The following FBXO10 variants were observed in gnomAD, a reference collection of about 807,000 sequenced individuals.
The protein encoded by FBXO10 is F-box protein 10.
FBXO10 carries 39 observed loss-of-function variants against 80.7 expected under a neutral mutation model. The observed-to-expected ratio is 0.48, with a 90% confidence interval of 0.37 to 0.63. FBXO10 has a LOEUF of 0.63. Among genes scored for constraint, FBXO10 ranks in the 30% least tolerant of loss-of-function variants. The probability of loss-of-function intolerance (pLI) is 0.00; values close to 1 mark genes in which losing one functional copy is unlikely to be tolerated. For missense variants in FBXO10, 1,025 were observed against 1,269.0 expected, an observed-to-expected ratio of 0.81 and a Z score of 2.92; for synonymous variants, 449 against 489.6, an observed-to-expected ratio of 0.92 and a Z score of 1.09.
chr9:37,574,127 C>G (rs1289712948), intron 1 of FBXO10, among the ~76,000 whole-genome samples: 1 of 152,182 alleles, frequency 6.6e-6, no homozygotes, highest in African/African-American at 2.4e-5. Flanking sequence ...GACTCCCTAT[C>G]TACATCATCA....
chr9:37,530,759 C>T (rs1821599898), intron 4 of FBXO10, among the ~76,000 whole-genome samples: 1 of 152,174 alleles, frequency 6.6e-6, no homozygotes, highest in South Asian at 2.1e-4. Context: ...CCCACCTCCG[C>T]CTCCCAAGTA....
At chr9:37,553,888 C>T (rs1436484219) in intron 1 of FBXO10, among the ~76,000 whole-genome samples, 1 of 142,790 alleles carries the variant, frequency 7.0e-6, no homozygotes, top group Admixed American at 7.1e-5. Context: ...TGCACTCCAG[C>T]CCGGGCAAAA....
intron 1 of FBXO10, among the ~76,000 whole-genome samples, chr9:37,547,700 T>G (rs1301694270): frequency 2.0e-5 from 3 of 152,182 alleles, no homozygotes; most frequent in Non-Finnish European, 4.4e-5. Flanking sequence ...GGCTCACACC[T>G]GTAATGCCAG....
Position 37,541,546 on chromosome 9 carries a change from A to G in FBXO10, c.223T>C (p.Phe75Leu). The G allele has an allele frequency of 6.2e-7, 1 of 1,613,706 alleles. No homozygotes were observed. ...DVEPESWREA[F>L]KQHYLASKTW... ...TTGGATGCAAGGTAATGCTGCTTGA[A>G]GGCTTCTCTCCAAGACTCAGGCTCC... Residue 75 changes from phenylalanine to leucine, a missense_variant, in exon 2 of 11, where the codon TTC becomes CTC. Physicochemically the swap from Phe to Leu is conservative, Grantham distance 22. This residue lies in a region of FBXO10 where 450 missense variants were observed against 499.4 expected (regional missense o/e 0.90). Transcript: ENST00000432825.
chr9:37,570,486 T>C (rs1329904270), intron 1 of FBXO10, among the ~76,000 whole-genome samples: 1 of 151,410 alleles, frequency 6.6e-6, no homozygotes, highest in Non-Finnish European at 1.5e-5. Flanking sequence ...AAGAACAAAA[T>C]AAATCCAAGG....
At chr9:37,522,586 A>G (rs1481998016) in intron 7 of FBXO10, 2 of 1,287,368 alleles carry the variant, frequency 1.6e-6, no homozygotes, top group Non-Finnish European at 2.0e-6. Flanking sequence ...GTCTTTTGCT[A>G]TTTTAAAAGG....
chr9:37,546,924 G>T (rs1822071279), intron 1 of FBXO10, among the ~76,000 whole-genome samples: 1 of 152,062 alleles, frequency 6.6e-6, no homozygotes, highest in Non-Finnish European at 1.5e-5. Flanking sequence ...CAAGTGATCC[G>T]CCTGCCTTGG....
intron 3 of FBXO10, among the ~76,000 whole-genome samples, chr9:37,532,285 A>G (rs1268293759): frequency 2.8e-5 from 4 of 144,950 alleles, no homozygotes; most frequent in Non-Finnish European, 6.0e-5. Flanking sequence ...TAGCGGTCTC[A>G]CATTGGTTCT....
intron 1 of FBXO10, among the ~76,000 whole-genome samples, chr9:37,568,523 T>C (rs1349842741): frequency 6.6e-6 from 1 of 152,194 alleles, no homozygotes; most frequent in Non-Finnish European, 1.5e-5. Context: ...TACTTTGTTT[T>C]CAAGAAACCA....
chr9:37,557,031 T>C lies in FBXO10; in HGVS notation c.-6-15257A>G, dbSNP rs545797107. ...TTGACTCCTTTCTCTATTACAACTA[T>C]TCAGGGCAACAGAAAAGACAAGGAG... On this transcript the variant is annotated intron_variant, in intron 1 of 10. Transcript: ENST00000432825. 2.3e-4 allele frequency among the ~76,000 whole-genome samples: 35 copies of C among 152,318 alleles called. No individual in the cohort carries two copies. The South Asian group carries it at 7.0e-3, about 31-fold the overall frequency.
intron 1 of FBXO10, among the ~76,000 whole-genome samples, chr9:37,548,701 T>C (rs954600956): frequency 1.3e-5 from 2 of 152,124 alleles, no homozygotes; most frequent in African/African-American, 2.4e-5. Flanking sequence ...TTCTTCACTA[T>C]CCTCCCTGTC....
chr9:37,551,859 T>G (rs1172201683), intron 1 of FBXO10, among the ~76,000 whole-genome samples: 1 of 152,248 alleles, frequency 6.6e-6, no homozygotes, highest in Non-Finnish European at 1.5e-5. Flanking sequence ...TCTTTTCCCA[T>G]TTTACTATAA....
rs543117296 is a variant in FBXO10, at chr9:37,531,080, T to G, written c.1569+829A>C. On this transcript the variant is annotated intron_variant, in intron 4 of 10. Transcript: ENST00000432825. ...ATCCTCTGCCTCTTCAGGCTCTATATCTTTACTATAAAATAGGGATGATAA... is the reference window on the plus strand; with the variant it reads ...ATCCTCTGCCTCTTCAGGCTCTATAGCTTTACTATAAAATAGGGATGATAA... Among the ~76,000 whole-genome samples the G allele has an allele frequency of 1.2e-3, 180 of 152,342 alleles. No homozygotes were observed. In the Middle Eastern group the frequency reaches 0.014, roughly 12 times the overall value.
chr9:37,521,052 C>T (rs967391756), intron 8 of FBXO10, among the ~76,000 whole-genome samples: 2 of 152,022 alleles, frequency 1.3e-5, no homozygotes, highest in Admixed American at 6.6e-5. Flanking sequence ...TAGTTTGGGA[C>T]GTGTGGATGG....
chr9:37,547,524 T>A (rs1407470440), intron 1 of FBXO10, among the ~76,000 whole-genome samples: 1 of 152,104 alleles, frequency 6.6e-6, no homozygotes, highest in Admixed American at 6.6e-5. Context: ...GGTAGGAGGA[T>A]CACTTAAGCC....
At chr9:37,524,864 C>T (rs993559990) in intron 6 of FBXO10, among the ~76,000 whole-genome samples, 2 of 152,198 alleles carry the variant, frequency 1.3e-5, no homozygotes, top group South Asian at 2.1e-4. Flanking sequence ...TTCTGTGAGC[C>T]ACCTTGTGAG....
At chr9:37,553,034 G>A (rs978084854) in intron 1 of FBXO10, among the ~76,000 whole-genome samples, 2 of 150,652 alleles carry the variant, frequency 1.3e-5, no homozygotes, top group African/African-American at 5.0e-5. Context: ...GTGTGTGTGT[G>A]TGTGTGTGTG....
chr9:37,544,887 G>A (rs1458965145), intron 1 of FBXO10, among the ~76,000 whole-genome samples: 1 of 150,870 alleles, frequency 6.6e-6, no homozygotes, highest in Non-Finnish European at 1.5e-5. Context: ...CCAGCTACTC[G>A]GGAGGCTGAG....
intron 6 of FBXO10, among the ~76,000 whole-genome samples, chr9:37,524,489 T>G (rs1447025858): frequency 6.6e-6 from 1 of 152,166 alleles, no homozygotes; most frequent in Non-Finnish European, 1.5e-5. Flanking sequence ...TGGACCAGTA[T>G]TTGCGGAATC....
Sources: gnomAD v4.1 joint callset for allele counts (sites outside exome capture counted in the v4.1 genomes callset) on GRCh38, gnomAD v4.1.1 for gene constraint, gnomAD v4.1.1 regional missense constraint, MANE v1.5 for transcripts, NCBI Gene and HGNC (gene_info 2026-07-23, HGNC 2026-07-21) for gene names.